Variants in FAM163B observed in about 807,000 individuals in gnomAD.
FAM163B encodes the protein protein FAM163B.
In FAM163B, 4 loss-of-function variants were observed where a neutral mutation model predicts 7.6. The ratio of observed to expected loss-of-function variants is 0.52; its 90% CI spans 0.26 to 1.20. The LOEUF (loss-of-function observed/expected upper bound fraction) is 1.20, where lower values mean the gene tolerates loss of function less well. FAM163B is among the 50% of genes most tolerant of loss of function. The probability of loss-of-function intolerance (pLI) is 0.14; values close to 1 mark genes in which losing one functional copy is unlikely to be tolerated. For missense variants in FAM163B, 250 were observed against 243.0 expected (o/e 1.03, Z -0.19); for synonymous variants, 120 against 111.6 (o/e 1.07, Z -0.47).
At chr9:133,594,975 C>A (rs964084837) in intron 1 of FAM163B, among the ~76,000 whole-genome samples, 2 of 152,150 alleles carry the variant, frequency 1.3e-5, no homozygotes, top group African/African-American at 4.8e-5. Flanking sequence ...ACCCCGCAGG[C>A]AGCAGGGCGT....
intron 1 of FAM163B, among the ~76,000 whole-genome samples, chr9:133,596,032 G>C (rs73557628): frequency 2.0e-5 from 3 of 152,084 alleles, no homozygotes; most frequent in Admixed American, 6.5e-5. Context: ...CTGTGGCTGC[G>C]GGTGCAAGGC....
At chr9:133,587,354 G>A (rs1831454689) in intron 1 of FAM163B, among the ~76,000 whole-genome samples, 1 of 152,222 alleles carries the variant, frequency 6.6e-6, no homozygotes, top group South Asian at 2.1e-4. Flanking sequence ...TGGCTGGGAA[G>A]CCCTGGAGCC....
At chr9:133,584,525 G>A (rs1275867354) in intron 1 of FAM163B, among the ~76,000 whole-genome samples, 3 of 152,242 alleles carry the variant, frequency 2.0e-5, no homozygotes, top group Non-Finnish European at 4.4e-5. Flanking sequence ...CAAGTGATAA[G>A]GCGAAAAAGC....
Position 133,600,263 on chromosome 9 carries a change from GTGTGTGT to G in FAM163B, c.-24+8807_-24+8813del, listed in dbSNP as rs1831703390. Among the ~76,000 whole-genome samples, 1 of 13,030 alleles carries G rather than the reference GTGTGTGT, an allele frequency of 7.7e-5. No individual in the cohort carries two copies. The highest frequency in any genetic ancestry group is 1.6e-4 in the Non-Finnish European group (1 of 6,136). The allele number at this position is 13,030 out of a possible 152,430, so 8.5% of individuals were successfully genotyped here. A position where few individuals can be genotyped will look rare whatever the true frequency, so the allele number is the denominator to read the frequency against. On this transcript the variant is annotated intron_variant, in intron 1 of 2. Coordinates refer to ENST00000673969, the MANE Select transcript of FAM163B (RefSeq NM_001080515.3). This position sits in a 1 kb window ranked among gnomAD's most constrained non-coding sequence, Gnocchi z 4.9. ...GTGCATGTGTGTGAGTGTGGTCTGT[GTGTGTGT>G]GTGTGTGTGTGTGTGTGTGTGTGTG... is the stretch of plus-strand genomic sequence containing the variant.
At chr9:133,581,132 T>C (rs1588321272) in intron 1 of FAM163B, among the ~76,000 whole-genome samples, 1 of 152,228 alleles carries the variant, frequency 6.6e-6, no homozygotes, top group East Asian at 1.9e-4. Context: ...AGTGATGCTG[T>C]CAGTGGCTGC....
chr9:133,578,157 A>C lies in FAM163B; in HGVS notation c.*865T>G, dbSNP rs1330583337. Among the ~76,000 whole-genome samples the C allele has an allele frequency of 7.5e-6, 1 of 133,676 alleles. No individual in the cohort carries two copies. Among genetic ancestry groups the C allele is most frequent in the Non-Finnish European group, 1.6e-5 (1 of 62,054 alleles). 87.7% of individuals were successfully genotyped at this position (133,676 alleles called of 152,430 possible). A position where few individuals can be genotyped will look rare whatever the true frequency, so the allele number is the denominator to read the frequency against. ...TCTCACGGGGAACTCGGGGGTTTTC[A>C]ACCCCTGGGCCATGGCTCTGCCCCT... is the stretch of plus-strand genomic sequence containing the variant. On this transcript the variant is annotated 3_prime_UTR_variant, in exon 3 of 3. Coordinates refer to ENST00000673969, the MANE Select transcript of FAM163B (RefSeq NM_001080515.3).
chr9:133,604,806 C>T (rs138607046), intron 1 of FAM163B, among the ~76,000 whole-genome samples: 5 of 152,132 alleles, frequency 3.3e-5, no homozygotes, highest in South Asian at 2.1e-4. Flanking sequence ...TGGAGTAGCA[C>T]GATTTCAGAT....
intron 1 of FAM163B, among the ~76,000 whole-genome samples, chr9:133,585,275 G>A (rs1831417744): frequency 6.6e-6 from 1 of 152,178 alleles, no homozygotes; most frequent in African/African-American, 2.4e-5. Flanking sequence ...GCCTCCACCT[G>A]CCTCCCCCGG....
At chr9:133,605,740 G>A (rs1384717001) in intron 1 of FAM163B, among the ~76,000 whole-genome samples, 1 of 152,180 alleles carries the variant, frequency 6.6e-6, no homozygotes, top group Non-Finnish European at 1.5e-5. Context: ...CCGAGCGTCC[G>A]GCGCTGCCTG....
intron 1 of FAM163B, among the ~76,000 whole-genome samples, chr9:133,604,993 G>A (rs1831772597): frequency 6.6e-6 from 1 of 152,248 alleles, no homozygotes; most frequent in African/African-American, 2.4e-5. Flanking sequence ...GATGGAGGTG[G>A]CGATGATCCT....
chr9:133,598,732 C>T (rs2131255993), intron 1 of FAM163B, among the ~76,000 whole-genome samples: 1 of 152,262 alleles, frequency 6.6e-6, no homozygotes, highest in East Asian at 1.9e-4. Context: ...TCTATATCTC[C>T]CCAGAGAGAG....
rs1224693416 is a variant in FAM163B at position 133,601,643 on chromosome 9, C to A, written c.-24+7434G>T. Among the ~76,000 whole-genome samples, 1 of 152,206 alleles carries A rather than the reference C, an allele frequency of 6.6e-6. No individual in the cohort carries two copies. The highest frequency in any genetic ancestry group is 6.5e-5 in the Admixed American group (1 of 15,282). On this transcript the variant is annotated intron_variant, in intron 1 of 2. Coordinates refer to ENST00000673969, the MANE Select transcript of FAM163B (RefSeq NM_001080515.3). This position sits in a 1 kb window ranked among gnomAD's most constrained non-coding sequence, Gnocchi z 4.1. Reference sequence around the variant, plus strand: ...TCCCATTTCTGGAACACTGCAAGTCCCTTCTTCCCTGAGGATGTTTTGCTG... The same window carrying A: ...TCCCATTTCTGGAACACTGCAAGTCACTTCTTCCCTGAGGATGTTTTGCTG...
Position 133,600,199 on chromosome 9 carries a change from CTGT to C in FAM163B, c.-24+8875_-24+8877del, listed in dbSNP as rs1831700081. Among the ~76,000 whole-genome samples the C allele has an allele frequency of 7.7e-6, 1 of 129,172 alleles. No homozygotes were observed. Among genetic ancestry groups the C allele is most frequent in the Admixed American group, 8.0e-5 (1 of 12,432 alleles). The allele number at this position is 129,172 out of a possible 152,430, so 84.7% of individuals were successfully genotyped here. ...GTGCATGTGTATGTGGGAATGTGGTCTGTGTGAGTGTGTGTGTGTGGGGGGGAA... is the reference window on the plus strand; with the variant it reads ...GTGCATGTGTATGTGGGAATGTGGTCGTGAGTGTGTGTGTGTGGGGGGGAA... On this transcript the variant is annotated intron_variant, in intron 1 of 2. Transcript: ENST00000673969. The surrounding 1 kb of genome is among the most constrained non-coding windows in gnomAD (Gnocchi z 4.9).
At chr9:133,608,958 T>C (rs577426599) in intron 1 of FAM163B, among the ~76,000 whole-genome samples, 119 bp downstream of exon 1, 1 of 152,326 alleles carries the variant, frequency 6.6e-6, no homozygotes, top group Non-Finnish European at 1.5e-5. Flanking sequence ...GGGGACCTGG[T>C]GCGAGGCAGC....
At chr9:133,591,668 A>C (rs1831554682) in intron 1 of FAM163B, among the ~76,000 whole-genome samples, 1 of 152,214 alleles carries the variant, frequency 6.6e-6, no homozygotes, top group Non-Finnish European at 1.5e-5. Flanking sequence ...CCAAGTGCCC[A>C]GGGGATGCTG....
At chr9:133,592,687 C>T (rs1831572391) in intron 1 of FAM163B, among the ~76,000 whole-genome samples, 3 of 152,218 alleles carry the variant, frequency 2.0e-5, no homozygotes, top group African/African-American at 7.2e-5. Flanking sequence ...TGTGTCTCCC[C>T]CAGGCCAGTG....
intron 1 of FAM163B, among the ~76,000 whole-genome samples, chr9:133,590,595 C>T (rs530915489): frequency 2.6e-5 from 4 of 152,198 alleles, no homozygotes; most frequent in Non-Finnish European, 4.4e-5. Flanking sequence ...AGATAATGTT[C>T]GAGAAAACTC....
chr9:133,594,775 C>G (rs1831606466), intron 1 of FAM163B, among the ~76,000 whole-genome samples: 1 of 151,994 alleles, frequency 6.6e-6, no homozygotes, highest in African/African-American at 2.4e-5. Flanking sequence ...AGAAGTGACC[C>G]TGAGTGAGGG....
chr9:133,577,157 G>A lies in FAM163B; in HGVS notation c.*1865C>T, dbSNP rs1204041429. Among the ~76,000 whole-genome samples the A allele has an allele frequency of 1.3e-5, 2 of 152,198 alleles. No individual in the cohort carries two copies. The highest frequency in any genetic ancestry group is 2.1e-4 in the South Asian group (1 of 4,830). ...CCCAGCAGGTCCCCACGGTGGAGCC[G>A]AGTGAGCTGGGAGGGATGGGTGCTT... On this transcript the variant is annotated 3_prime_UTR_variant, in exon 3 of 3. Transcript: ENST00000673969.
Sources: gnomAD v4.1 joint callset for allele counts (sites outside exome capture counted in the v4.1 genomes callset) on GRCh38, gnomAD v4.1.1 for gene constraint, Gnocchi (gnomAD v3.1) non-coding constraint, MANE v1.5 for transcripts, NCBI Gene and HGNC (gene_info 2026-07-23, HGNC 2026-07-21) for gene names.